The following SSH2 variants were observed in gnomAD, a reference collection of about 807,000 sequenced individuals.
SSH2 encodes the protein protein phosphatase Slingshot homolog 2.
SSH2 carries 37 observed loss-of-function variants against 135.2 expected under a neutral mutation model. That is an observed-to-expected ratio of 0.27 (90% CI 0.21 to 0.36). The LOEUF is 0.36. Among genes scored for constraint, SSH2 ranks in the 10% least tolerant of loss-of-function variants. SSH2 has a pLI of 1.00. For missense variants in SSH2, 1,408 were observed against 1,765.3 expected (o/e 0.80, Z 3.63); for synonymous variants, 628 against 646.2 (o/e 0.97, Z 0.43).
In SSH2 at chr17:29,631,462, A is replaced by G; in HGVS notation, c.3732T>C (p.Ser1244=). The G allele has an allele frequency of 6.2e-7, 1 of 1,614,078 alleles. No individual in the cohort carries two copies. Among genetic ancestry groups the G allele is most frequent in the Non-Finnish European group, 8.5e-7 (1 of 1,180,002 alleles). ...PVACRLPHSS[S]SENIKSLSHS... The stretch of plus-strand genomic sequence containing the variant: ...GGCTGAGACTCTTTATGTTTTCACT[A>G]CTAGAGCTATGTGGGAGTCGACAGG... The change falls in exon 16 of 16, where the codon AGT becomes AGC. Residue 1244 remains serine, a synonymous_variant. Transcript: ENST00000540801.
intron 3 of SSH2, among the ~76,000 whole-genome samples, chr17:29,769,473 T>C (rs1402205731): frequency 6.6e-6 from 1 of 152,256 alleles, no homozygotes; most frequent in Non-Finnish European, 1.5e-5. Context: ...ATCCTCTTGC[T>C]ACCAGATCCT....
intron 3 of SSH2, among the ~76,000 whole-genome samples, chr17:29,732,361 A>C (rs2040226221): frequency 6.6e-6 from 1 of 152,232 alleles, no homozygotes; most frequent in South Asian, 2.1e-4. Flanking sequence ...CATTTGGAAT[A>C]AATGTTGAAT....
chr17:29,860,151 TTC>T (rs1250294409), intron 1 of SSH2, among the ~76,000 whole-genome samples: 3 of 152,010 alleles, frequency 2.0e-5, no homozygotes, highest in Non-Finnish European at 4.4e-5. Flanking sequence ...CCGGCGGTAA[TTC>T]TGTTTTTAGC....
At chr17:29,751,528 T>C (rs994944424) in intron 3 of SSH2, among the ~76,000 whole-genome samples, 2 of 152,236 alleles carry the variant, frequency 1.3e-5, no homozygotes, top group African/African-American at 4.8e-5. Flanking sequence ...TCAAGCATTA[T>C]GTACTGTACA....
chr17:29,883,542 A>C (rs1361983444), intron 1 of SSH2, among the ~76,000 whole-genome samples: 2 of 152,252 alleles, frequency 1.3e-5, no homozygotes, highest in Admixed American at 1.3e-4. Context: ...TCTATGCATG[A>C]TGAATTGATA....
intron 3 of SSH2, among the ~76,000 whole-genome samples, chr17:29,739,815 T>G (rs1370504914): frequency 6.6e-6 from 1 of 152,230 alleles, no homozygotes; most frequent in East Asian, 1.9e-4. Context: ...ATCTGCGTTC[T>G]CACAGTAAGC....
intron 9 of SSH2, among the ~76,000 whole-genome samples, chr17:29,667,743 A>G (rs2037337801): frequency 1.3e-5 from 2 of 152,194 alleles, no homozygotes; most frequent in Admixed American, 6.5e-5. Context: ...ATCTCTGTGA[A>G]ACACTTATCC....
chr17:29,636,107 C>T lies in SSH2; in HGVS notation c.2123G>A (p.Gly708Glu). 6.2e-7 allele frequency: 1 copy of T among 1,614,224 alleles called. No homozygotes were observed. Among genetic ancestry groups the T allele is most frequent in the Non-Finnish European group, 8.5e-7 (1 of 1,180,032 alleles). The change falls in exon 15 of 16, where the codon GGA (glycine) becomes GAA (glutamate). Residue 708 changes from glycine (G) to glutamate (E), a missense_variant. Coordinates refer to ENST00000540801, the MANE Select transcript of SSH2 (RefSeq NM_001282129.2). ...FSHSRMEELG[G>E]GRNESCRLSV... ...CAGTCGACAGCTCTCATTCCTTCCT[C>T]CACCCAGTTCCTCCATCCTTGAATG...
chr17:29,825,292 T>G (rs551303354), intron 2 of SSH2, among the ~76,000 whole-genome samples: 1 of 152,238 alleles, frequency 6.6e-6, no homozygotes, highest in South Asian at 2.1e-4. Flanking sequence ...AAATGACAGG[T>G]TAGTATGTTC....
intron 2 of SSH2, among the ~76,000 whole-genome samples, chr17:29,807,830 G>A (rs974963703): frequency 2.2e-5 from 3 of 133,390 alleles, no homozygotes; most frequent in African/African-American, 8.9e-5. Flanking sequence ...TTGTTTTGAT[G>A]GCTTTTTTTT....
intron 1 of SSH2, among the ~76,000 whole-genome samples, chr17:29,867,488 T>C (rs1273947959): frequency 6.6e-6 from 1 of 152,214 alleles, no homozygotes; most frequent in Non-Finnish European, 1.5e-5. Flanking sequence ...GATGCTAACG[T>C]GTGTATCAGG....
rs1222178794 is a variant in SSH2 at position 29,757,805 on chromosome 17, G to C, written c.188+36089C>G. Among the ~76,000 whole-genome samples the C allele has an allele frequency of 4.0e-5, 6 of 149,978 alleles. No individual in the cohort carries two copies. In the South Asian group the frequency reaches 1.3e-3, roughly 32 times the overall value. ...GGTGGGGGGTGGGGTGGGGGGCCGG[G>C]GTTGGGGGCGCCAGAGGTTGCAGTG... On this transcript the variant is annotated intron_variant, in intron 3 of 15. Coordinates refer to ENST00000540801, the MANE Select transcript of SSH2 (RefSeq NM_001282129.2).
intron 9 of SSH2, among the ~76,000 whole-genome samples, chr17:29,667,647 G>T (rs944592291): frequency 6.6e-6 from 1 of 152,178 alleles, no homozygotes; most frequent in African/African-American, 2.4e-5. Flanking sequence ...GTGGAAACTG[G>T]TCTCTGGTGC....
intron 2 of SSH2, among the ~76,000 whole-genome samples, chr17:29,828,398 C>A (rs991994172): frequency 6.6e-6 from 1 of 152,142 alleles, no homozygotes; most frequent in Non-Finnish European, 1.5e-5. Flanking sequence ...ACTCAAAACT[C>A]CCTAGGACTC....
At chr17:29,638,958 T>TGGAACCTATTACCAAGTCCTCA (rs2036034046) in intron 14 of SSH2, among the ~76,000 whole-genome samples, 3 of 152,202 alleles carry the variant, frequency 2.0e-5, no homozygotes, top group Admixed American at 2.0e-4. Flanking sequence ...AATACTCTGT[T>TGGAACCTATTACCAAGTCCTCA]GGAACCTATT....
chr17:29,640,959 T>A (rs1382182176), intron 14 of SSH2: 1 of 152,200 alleles, frequency 6.6e-6, no homozygotes, highest in Non-Finnish European at 1.5e-5. Context: ...ATAAAGGTAA[T>A]CCACAGAGTG....
At chr17:29,666,632 G>A (rs1268904811) in intron 11 of SSH2, among the ~76,000 whole-genome samples, 3 of 152,214 alleles carry the variant, frequency 2.0e-5, no homozygotes, top group South Asian at 4.2e-4. Context: ...GTAGTGAGAC[G>A]AGATCGTGCC....
chr17:29,891,251 A>G (rs2066344993), intron 1 of SSH2, among the ~76,000 whole-genome samples: 1 of 152,170 alleles, frequency 6.6e-6, no homozygotes, highest in African/African-American at 2.4e-5. Flanking sequence ...GCCTGTTAAA[A>G]AACACACAGT....
chr17:29,800,161 C>G (rs1043934147), intron 2 of SSH2, among the ~76,000 whole-genome samples: 2 of 151,808 alleles, frequency 1.3e-5, no homozygotes, highest in Non-Finnish European at 2.9e-5. Context: ...GTTTCAATAG[C>G]CAGCCAAATG....
Sources: allele counts gnomAD v4.1 joint callset (sites outside exome capture counted in the v4.1 genomes callset), GRCh38; gene constraint gnomAD v4.1.1; transcripts MANE v1.5; gene names NCBI Gene and HGNC (gene_info 2026-07-23, HGNC 2026-07-21).